HOMER2: variants seen among roughly 807,000 people sequenced by gnomAD.
HOMER2 encodes homer protein homolog 2.
A neutral mutation model predicts 47.0 loss-of-function variants in HOMER2; 27 were observed. The ratio of observed to expected loss-of-function variants is 0.57; its 90% confidence interval spans 0.42 to 0.79. The LOEUF (loss-of-function observed/expected upper bound fraction) is 0.79. Among genes scored for constraint, HOMER2 ranks in the 30% least tolerant of loss-of-function variants. The pLI is 0.00. For missense variants in HOMER2, 443 were observed against 435.0 expected (o/e 1.02, Z -0.16); for synonymous variants, 161 against 163.8 (o/e 0.98, Z 0.13).
chr15:82,951,505 C>T lies in HOMER2; in HGVS notation c.5+1026G>A, dbSNP rs374662294. On this transcript the variant is annotated intron_variant, in intron 1 of 8. Coordinates refer to ENST00000450735, the MANE Select transcript of HOMER2 (RefSeq NM_004839.4). ...CCACTGCACTCTTGCCTTCCCAGGCCCCACCCATCCCAAACAGGAAAGCAA... is the reference window on the plus strand; with the variant it reads ...CCACTGCACTCTTGCCTTCCCAGGCTCCACCCATCCCAAACAGGAAAGCAA... Among the ~76,000 whole-genome samples the T allele has an allele frequency of 5.9e-5, 9 of 152,350 alleles. No individual in the cohort carries two copies. The South Asian group carries it at 1.9e-3, about 32-fold the overall frequency.
chr15:82,849,871 G>T lies in HOMER2; in HGVS notation c.876C>A (p.Asp292Glu), dbSNP rs373997485. ...AAERDNQNLEDKVRSLKTDIE... is the reference protein window; with the variant it reads ...AAERDNQNLEEKVRSLKTDIE... Reference sequence around the variant, plus strand: ...TGTCTGTCTTTAAGGAACGCACTTTGTCTTCCAGGTTTTGATTGTCTCTCT... The same window carrying T: ...TGTCTGTCTTTAAGGAACGCACTTTTTCTTCCAGGTTTTGATTGTCTCTCT... Residue 292 changes from aspartate to glutamate, a missense_variant, in exon 9 of 9, where the codon GAC (aspartate) becomes GAA (glutamate). Physicochemically the swap from Asp to Glu is conservative, Grantham distance 45. Coordinates refer to ENST00000450735, the MANE Select transcript of HOMER2 (RefSeq NM_004839.4). 5 of 1,613,906 alleles carry T rather than the reference G, an allele frequency of 3.1e-6. No homozygotes were observed. Among genetic ancestry groups the T allele is most frequent in the Non-Finnish European group, 3.4e-6 (4 of 1,179,820 alleles).
At chr15:82,927,293 G>T (rs1450769280) in intron 1 of HOMER2, among the ~76,000 whole-genome samples, 4 of 149,786 alleles carry the variant, frequency 2.7e-5, no homozygotes, top group African/African-American at 1.0e-4. Flanking sequence ...AGCTTCAAAA[G>T]GCAAGAATTC....
downstream of HOMER2, chr15:82,846,315 A>C (rs1386356186): frequency 6.6e-6 from 1 of 152,162 alleles, no homozygotes; most frequent in Non-Finnish European, 1.5e-5. Context: ...ATTTTAACCA[A>C]CTTTCTTGGA....
chr15:82,974,629 G>A (rs1471445285), intron 1 of HOMER2, among the ~76,000 whole-genome samples: 44 of 152,282 alleles, frequency 2.9e-4, no homozygotes, highest in Non-Finnish European at 5.9e-5. Context: ...GGGCTCCCTG[G>A]GGGCACTTGG....
At chr15:82,928,428 A>G (rs2053912431) in intron 1 of HOMER2, among the ~76,000 whole-genome samples, 1 of 152,224 alleles carries the variant, frequency 6.6e-6, no homozygotes, top group Admixed American at 6.5e-5. Context: ...AAGACTTCCT[A>G]AAAATTTTCA....
chr15:82,916,094 G>C, intron 1 of HOMER2, among the ~76,000 whole-genome samples: 1 of 152,178 alleles, frequency 6.6e-6, no homozygotes, highest in Admixed American at 6.5e-5. Flanking sequence ...GAATTAGCCA[G>C]ACCTTGAAGG....
At chr15:82,930,752 G>T (rs2053985463) in intron 1 of HOMER2, among the ~76,000 whole-genome samples, 1 of 152,224 alleles carries the variant, frequency 6.6e-6, no homozygotes, top group Non-Finnish European at 1.5e-5. Flanking sequence ...CTGGCTGGGT[G>T]TGGTGGCTCA....
At chr15:82,976,756 T>G (rs1040105375) in intron 1 of HOMER2, among the ~76,000 whole-genome samples, 2 of 147,056 alleles carry the variant, frequency 1.4e-5, no homozygotes, top group African/African-American at 5.0e-5. Context: ...CTTGGCTTAC[T>G]GCAACCTCTG....
exon 2 of HOMER2, chr15:82,840,473 A>C (rs1400815182): frequency 6.6e-6 from 1 of 152,162 alleles, no homozygotes; most frequent in South Asian, 2.1e-4. Context: ...TTAATTAAAA[A>C]AAATTTTTTT....
chr15:82,894,766 AT>A, intron 1 of HOMER2, among the ~76,000 whole-genome samples: 1 of 151,998 alleles, frequency 6.6e-6, no homozygotes, highest in East Asian at 1.9e-4. Context: ...AACTTAGACA[AT>A]TTTTTAAATC....
At chr15:82,934,659 C>T (rs905478954) in intron 1 of HOMER2, among the ~76,000 whole-genome samples, 4 of 152,262 alleles carry the variant, frequency 2.6e-5, no homozygotes, top group South Asian at 2.1e-4. Flanking sequence ...GTGGATCCTG[C>T]CCCCCTGCCT....
At chr15:82,929,551 G>A (rs1033480670) in intron 1 of HOMER2, among the ~76,000 whole-genome samples, 2 of 150,088 alleles carry the variant, frequency 1.3e-5, no homozygotes, top group African/African-American at 4.9e-5. Context: ...AGCTACTTGG[G>A]AGGCTGAGGC....
At chr15:82,915,801 G>C (rs2053575502) in intron 1 of HOMER2, among the ~76,000 whole-genome samples, 1 of 152,200 alleles carries the variant, frequency 6.6e-6, no homozygotes, top group Non-Finnish European at 1.5e-5. Context: ...TCACTGAAGA[G>C]CTGCTTATTA....
intron 1 of HOMER2, among the ~76,000 whole-genome samples, chr15:82,922,363 C>A (rs564843851): frequency 4.5e-4 from 68 of 152,296 alleles, no homozygotes; most frequent in African/African-American, 1.6e-3. Context: ...AACTCTAAAT[C>A]AAGAACACTT....
At chr15:82,949,504 C>G (rs1253546456) in intron 1 of HOMER2, among the ~76,000 whole-genome samples, 2 of 152,066 alleles carry the variant, frequency 1.3e-5, no homozygotes, top group Non-Finnish European at 2.9e-5. Context: ...CTGGCAACCC[C>G]CTGGTCACCC....
chr15:82,933,726 T>C (rs907110162), intron 1 of HOMER2, among the ~76,000 whole-genome samples: 4 of 152,188 alleles, frequency 2.6e-5, no homozygotes, highest in African/African-American at 9.7e-5. Context: ...TACAGTGCTT[T>C]CACACTTCAC....
At chr15:82,925,857 A>G (rs2053842054) in intron 1 of HOMER2, 1 of 151,690 alleles carries the variant, frequency 6.6e-6, no homozygotes, top group African/African-American at 2.4e-5. Flanking sequence ...ATCTCCTATC[A>G]TCAGACTCTG....
intron 1 of HOMER2, among the ~76,000 whole-genome samples, chr15:82,896,482 T>C (rs2052922486): frequency 6.6e-6 from 1 of 152,088 alleles, no homozygotes; most frequent in Non-Finnish European, 1.5e-5. Context: ...GACCCCCAAG[T>C]AGAAATGCAA....
intron 1 of HOMER2, among the ~76,000 whole-genome samples, chr15:82,972,864 C>T (rs993648406): frequency 1.2e-4 from 19 of 152,162 alleles, no homozygotes; most frequent in African/African-American, 4.6e-4. Flanking sequence ...TATCTGGGTG[C>T]TAAGCAGTGA....
Sources: allele counts gnomAD v4.1 joint callset (sites outside exome capture counted in the v4.1 genomes callset), GRCh38; gene constraint gnomAD v4.1.1; transcripts MANE v1.5; gene names NCBI Gene and HGNC (gene_info 2026-07-23, HGNC 2026-07-21).